UBTD1: variants seen among roughly 807,000 people sequenced by gnomAD.
UBTD1 encodes the protein ubiquitin domain containing 1.
UBTD1 carries 19 observed loss-of-function variants against 21.7 expected under a neutral mutation model. The ratio of observed to expected loss-of-function variants is 0.87; its 90% confidence interval spans 0.61 to 1.28. The LOEUF (loss-of-function observed/expected upper bound fraction) is 1.28. Ranked by LOEUF, UBTD1 falls within the 50% of genes most tolerant of loss-of-function variation. The pLI, the probability that UBTD1 is intolerant of heterozygous loss-of-function variation, is 0.00. For missense variants in UBTD1, 282 were observed against 315.1 expected, an observed-to-expected ratio of 0.89 and a Z score of 0.80; for synonymous variants, 116 against 135.1, an observed-to-expected ratio of 0.86 and a Z score of 0.98.
At chr10:97,564,715 T>C (rs558735004) in intron 1 of UBTD1, among the ~76,000 whole-genome samples, 1 of 152,104 alleles carries the variant, frequency 6.6e-6, no homozygotes, top group Non-Finnish European at 1.5e-5. Flanking sequence ...AGGTGCCTGC[T>C]GCCACGCCCA....
chr10:97,521,190 C>T (rs533056906), intron 1 of UBTD1, among the ~76,000 whole-genome samples: 2 of 152,180 alleles, frequency 1.3e-5, no homozygotes, highest in Admixed American at 6.5e-5. Flanking sequence ...ACCTGGGACC[C>T]GCCTTTCATT....
chr10:97,527,339 G>A (rs2040494415), intron 1 of UBTD1, among the ~76,000 whole-genome samples: 1 of 151,772 alleles, frequency 6.6e-6, no homozygotes, highest in African/African-American at 2.4e-5. Context: ...GAAAAAGAGT[G>A]CCTATCCTTC....
chr10:97,531,162 C>T (rs551204852), intron 1 of UBTD1, among the ~76,000 whole-genome samples: 18 of 151,484 alleles, frequency 1.2e-4, no homozygotes, highest in Middle Eastern at 3.5e-3. Flanking sequence ...GCTGGGATTA[C>T]AGGCATGAGC....
intron 1 of UBTD1, among the ~76,000 whole-genome samples, chr10:97,566,178 A>G (rs971137316): frequency 6.6e-5 from 10 of 151,922 alleles, no homozygotes; most frequent in South Asian, 6.2e-4. Flanking sequence ...TCAGTATTTC[A>G]TAATCTATCC....
chr10:97,570,624 C>A lies in UBTD1; in HGVS notation c.*101C>A. 1 of 1,415,854 alleles carries A rather than the reference C, an allele frequency of 7.1e-7. No homozygotes were observed. Among genetic ancestry groups the A allele is most frequent in the Middle Eastern group, 2.6e-4 (1 of 3,900 alleles). The allele number at this position is 1,415,854 out of a possible 1,614,324, so 87.7% of individuals were successfully genotyped here. On this transcript the variant is annotated 3_prime_UTR_variant, in exon 3 of 3. Coordinates refer to ENST00000370664, the MANE Select transcript of UBTD1 (RefSeq NM_024954.5). This position sits in a 1 kb window ranked among gnomAD's most constrained non-coding sequence, Gnocchi z 6.6. Reference sequence around the variant, plus strand: ...TCATTTTCTTCAGGGGCCCTCCCCTCGGTGTGGCTGGTGGGTGAGCCGTGA... The same window carrying A: ...TCATTTTCTTCAGGGGCCCTCCCCTAGGTGTGGCTGGTGGGTGAGCCGTGA...
At chr10:97,518,903 C>T (rs1463803640) in intron 1 of UBTD1, among the ~76,000 whole-genome samples, 1 of 152,220 alleles carries the variant, frequency 6.6e-6, no homozygotes, top group Non-Finnish European at 1.5e-5. Context: ...CTCATTTAAT[C>T]TTTGTAGTAA....
At chr10:97,547,432 G>A (rs1294378550) in intron 1 of UBTD1, among the ~76,000 whole-genome samples, 2 of 152,130 alleles carry the variant, frequency 1.3e-5, no homozygotes, top group Non-Finnish European at 2.9e-5. Context: ...ACCCTACGCT[G>A]TGCAACCAGC....
At position 97,498,933 on chromosome 10, in the gene UBTD1, C is replaced by A. The variant is rs1187086546; in HGVS notation, c.-271C>A. The A allele has an allele frequency of 4.8e-6, 2 of 418,080 alleles. No homozygotes were observed. Among genetic ancestry groups the A allele is most frequent in the Admixed American group, 4.5e-5 (1 of 22,060 alleles). The allele number at this position is 418,080 out of a possible 1,614,324, so 25.9% of individuals were successfully genotyped here. A position where few individuals can be genotyped will look rare whatever the true frequency, so the allele number is the denominator to read the frequency against. ...GCGGTGCCCGCCCCCTCTCTCCGCC[C>A]CTCCAGCGGAGCTGGTCTCCGGCCG... On this transcript the variant is annotated 5_prime_UTR_variant, in exon 1 of 3. Transcript: ENST00000370664.
At position 97,529,482 on chromosome 10, in the gene UBTD1, C is replaced by A. The variant is rs530949939; in HGVS notation, c.70+30209C>A. Among the ~76,000 whole-genome samples, 178 of 152,328 alleles carry A rather than the reference C, an allele frequency of 1.2e-3. 1 individual carries two copies. Among genetic ancestry groups the A allele is most frequent in the African/African-American group, 3.9e-3 (163 of 41,576 alleles). ...ACTCCAGCCTGGGCACCATTGAGCA[C>A]TGAGTTAACGAGACTCCGTCTGCAA... is the stretch of plus-strand genomic sequence containing the variant. On this transcript the variant is annotated intron_variant, in intron 1 of 2. Transcript: ENST00000370664.
chr10:97,514,588 C>CA (rs2040436574), intron 1 of UBTD1, among the ~76,000 whole-genome samples: 2 of 152,160 alleles, frequency 1.3e-5, no homozygotes, highest in African/African-American at 4.8e-5. Context: ...CTGATGCAGG[C>CA]AGGGTCACCT....
intron 1 of UBTD1, among the ~76,000 whole-genome samples, chr10:97,559,462 G>A (rs986277522): frequency 1.3e-5 from 2 of 152,160 alleles, no homozygotes; most frequent in Non-Finnish European, 2.9e-5. Flanking sequence ...TGATCCTCTA[G>A]TAAAATGAAT....
At chr10:97,510,716 C>T (rs1204374723) in intron 1 of UBTD1, among the ~76,000 whole-genome samples, 3 of 152,094 alleles carry the variant, frequency 2.0e-5, no homozygotes, top group Admixed American at 1.3e-4. Flanking sequence ...TTCAGTGTGT[C>T]CTGGGTTATC....
chr10:97,532,325 A>G (rs2040535747), intron 1 of UBTD1, among the ~76,000 whole-genome samples: 2 of 152,208 alleles, frequency 1.3e-5, no homozygotes, highest in South Asian at 4.1e-4. Flanking sequence ...TATGTTCCAC[A>G]GTTAAGGCGA....
chr10:97,537,630 G>A (rs1292181157), intron 1 of UBTD1, among the ~76,000 whole-genome samples: 2 of 152,098 alleles, frequency 1.3e-5, no homozygotes, highest in African/African-American at 4.8e-5. Flanking sequence ...CTGAAAAGAG[G>A]GAGGAGGGTG....
At chr10:97,499,387 C>G (rs1554862606) in intron 1 of UBTD1, 114 bp downstream of exon 1, 2 of 1,298,350 alleles carry the variant, frequency 1.5e-6, no homozygotes, top group Non-Finnish European at 2.0e-6. Context: ...TGGGTTTCCC[C>G]GATGGGCTGC....
intron 1 of UBTD1, among the ~76,000 whole-genome samples, chr10:97,551,969 C>T (rs988614829): frequency 1.3e-5 from 2 of 152,048 alleles, no homozygotes; most frequent in South Asian, 4.1e-4. Context: ...AGTATAGTGG[C>T]GTAATCATAG....
chr10:97,509,447 A>G (rs190074156), intron 1 of UBTD1, among the ~76,000 whole-genome samples: 6 of 152,340 alleles, frequency 3.9e-5, no homozygotes, highest in Admixed American at 1.3e-4. Flanking sequence ...CACACACAGC[A>G]CAGCGGATGC....
At chr10:97,541,879 C>T (rs990451086) in intron 1 of UBTD1, among the ~76,000 whole-genome samples, 10 of 151,910 alleles carry the variant, frequency 6.6e-5, no homozygotes, top group Admixed American at 1.3e-4. Context: ...GCATTACAGG[C>T]GCCTGCCACC....
chr10:97,561,202 A>T (rs2040691121), intron 1 of UBTD1, among the ~76,000 whole-genome samples: 1 of 151,946 alleles, frequency 6.6e-6, no homozygotes, highest in African/African-American at 2.4e-5. Flanking sequence ...CGCTCTTTGG[A>T]TTGCATCACT....
Sources: gnomAD v4.1 joint callset for allele counts (sites outside exome capture counted in the v4.1 genomes callset) on GRCh38, gnomAD v4.1.1 for gene constraint, Gnocchi (gnomAD v3.1) non-coding constraint, MANE v1.5 for transcripts, NCBI Gene and HGNC (gene_info 2026-07-23, HGNC 2026-07-21) for gene names.